The following APBA2 variants were observed in gnomAD, a reference collection of about 807,000 sequenced individuals.
APBA2 encodes the protein amyloid beta precursor protein binding family A member 2, also known as amyloid-beta A4 precursor protein-binding family A member 2.
A neutral mutation model predicts 75.0 loss-of-function variants in APBA2; 30 were observed. The observed-to-expected ratio is 0.40, with a 90% confidence interval of 0.30 to 0.54. The LOEUF (loss-of-function observed/expected upper bound fraction) is 0.54. APBA2 is among the 20% of genes least tolerant of loss of function. The pLI, the probability that APBA2 is intolerant of heterozygous loss-of-function variation, is 0.49. For synonymous variants in APBA2, 444 were observed against 409.6 expected, an observed-to-expected ratio of 1.08 and a Z score of -1.01; for missense variants, 801 against 1,016.1, an observed-to-expected ratio of 0.79 and a Z score of 2.88.
At chr15:28,899,266 G>A (rs551495842) in intron 1 of APBA2, among the ~76,000 whole-genome samples, 5 of 152,298 alleles carry the variant, frequency 3.3e-5, no homozygotes, top group East Asian at 1.9e-4. Context: ...CTTTGCCTAC[G>A]TCTCTCCCCA....
At chr15:29,096,004 A>G (rs941511408) in intron 8 of APBA2, among the ~76,000 whole-genome samples, 2 of 152,206 alleles carry the variant, frequency 1.3e-5, no homozygotes, top group East Asian at 3.9e-4. Context: ...TGCCGCCTTT[A>G]GAGGGGTTGG....
rs142112034 is a variant in APBA2 at position 28,996,037 on chromosome 15, C to T, written c.-41+231C>T. 6.6e-3 allele frequency among the ~76,000 whole-genome samples: 1,010 copies of T among 152,138 alleles called. 13 individuals carry two copies. Among genetic ancestry groups the T allele is most frequent in the African/African-American group, 0.023 (961 of 41,484 alleles). On this transcript the variant is annotated intron_variant, in intron 3 of 14. Coordinates refer to ENST00000683413, the MANE Select transcript of APBA2 (RefSeq NM_001353788.2). ...GGACGCTTCTGGCACTTACCTTGCC[C>T]GGAACCGACCTGCCCACCACCCAAT...
chr15:29,101,722 C>T lies in APBA2; in HGVS notation c.1462C>T (p.Pro488Ser), dbSNP rs1413505682. ...CTCTCAGGACTGCATCGAGACCACG[C>T]CCGGGGCCCAGGAAGGCAAGAAGCA... Reference protein sequence around the residue: ...SASQDCIETTPGAQEGKKQYK... With the variant: ...SASQDCIETTSGAQEGKKQYK... The change falls in exon 10 of 15, where the codon CCC becomes TCC. Residue 488 changes from proline to serine, a missense_variant. This residue lies in a region of APBA2 where 367 missense variants were observed against 544.5 expected (regional missense o/e 0.67). Coordinates refer to ENST00000683413, the MANE Select transcript of APBA2 (RefSeq NM_001353788.2). 1 of 1,613,706 alleles carries T rather than the reference C, an allele frequency of 6.2e-7. No individual in the cohort carries two copies. The highest frequency in any genetic ancestry group is 1.3e-5 in the African/African-American group (1 of 75,068).
rs2045332111 is a variant in APBA2 at position 29,118,184 on chromosome 15, A to ACTT, written c.*1052_*1054dup. On this transcript the variant is annotated 3_prime_UTR_variant, in exon 15 of 15. Coordinates refer to ENST00000683413, the MANE Select transcript of APBA2 (RefSeq NM_001353788.2). ...CCCAGGCCTTGAAGAATACACTGTG[A>ACTT]CTTAAGAAGCCTTACCACGCAGTAA... is the stretch of plus-strand genomic sequence containing the variant. 1 of 152,630 alleles carries ACTT rather than the reference A, an allele frequency of 6.6e-6. No individual in the cohort carries two copies. The highest frequency in any genetic ancestry group is 6.5e-5 in the Admixed American group (1 of 15,280). The allele number at this position is 152,630 out of a possible 1,614,324, so 9.5% of individuals were successfully genotyped here.
intron 8 of APBA2, among the ~76,000 whole-genome samples, chr15:29,097,443 G>A (rs2043904000): frequency 6.6e-6 from 1 of 152,234 alleles, no homozygotes. Flanking sequence ...GGCCGGTGGC[G>A]TGCAGGTAGA....
chr15:28,957,817 C>T (rs1372778578), intron 2 of APBA2, among the ~76,000 whole-genome samples: 5 of 152,280 alleles, frequency 3.3e-5, no homozygotes, highest in African/African-American at 1.2e-4. Flanking sequence ...AGGCCTCCCC[C>T]ATGCTACTTT....
intron 2 of APBA2, among the ~76,000 whole-genome samples, chr15:28,941,419 G>A (rs1212301184): frequency 6.7e-6 from 1 of 149,768 alleles, no homozygotes; most frequent in Non-Finnish European, 1.5e-5. Context: ...ATGTTTGGCT[G>A]TGCTTCAGGC....
chr15:29,065,681 A>G (rs1566965994), intron 4 of APBA2, among the ~76,000 whole-genome samples: 1 of 152,062 alleles, frequency 6.6e-6, no homozygotes, highest in Non-Finnish European at 1.5e-5. Context: ...CACAGAAGAG[A>G]AGTTGGTCTC....
At chr15:29,001,621 AT>A (rs1164082019) in intron 3 of APBA2, among the ~76,000 whole-genome samples, 1 of 152,198 alleles carries the variant, frequency 6.6e-6, no homozygotes, top group East Asian at 1.9e-4. Context: ...TGTGTAGCAC[AT>A]GTGAGTTTTC....
chr15:29,011,021 C>T (rs2039377925), intron 3 of APBA2, among the ~76,000 whole-genome samples: 1 of 152,156 alleles, frequency 6.6e-6, no homozygotes, highest in African/African-American at 2.4e-5. Context: ...ATTCTCCTTG[C>T]CCCAGCCTCT....
At chr15:28,937,497 C>T (rs887364151) in intron 2 of APBA2, among the ~76,000 whole-genome samples, 4 of 152,060 alleles carry the variant, frequency 2.6e-5, no homozygotes, top group African/African-American at 7.2e-5. Flanking sequence ...CAGGTTCCCT[C>T]GGTTCCTGAA....
At chr15:29,007,557 C>T (rs4780261) in intron 3 of APBA2, among the ~76,000 whole-genome samples, 35,767 of 152,150 alleles carry the variant, frequency 0.24, 8,254 homozygotes, top group African/African-American at 0.59. Flanking sequence ...GATTAACAAA[C>T]GAACAAAGGG....
chr15:29,084,606 T>A (rs2043209155), intron 6 of APBA2, among the ~76,000 whole-genome samples: 1 of 152,270 alleles, frequency 6.6e-6, no homozygotes, highest in Non-Finnish European at 1.5e-5. Flanking sequence ...TATTTGTTTA[T>A]GCCATTAAAT....
In APBA2 at chr15:29,108,340, A is replaced by G. The variant is rs761555744; in HGVS notation, c.1988A>G (p.Lys663Arg). Residue 663 changes from lysine (K) to arginine (R), a missense_variant, in exon 13 of 15, where the codon AAG (lysine) becomes AGG (arginine). By Grantham distance (26) the Lys-to-Arg change is conservative (BLOSUM62 2). Coordinates refer to ENST00000683413, the MANE Select transcript of APBA2 (RefSeq NM_001353788.2). ...SCPPVTTVLI[K>R]RPDLKYQLGF... is the part of the protein sequence containing the mutation. ...CCCCCGGTCACCACGGTCCTTATCA[A>G]GCGGCCAGACCTCAAGTACCAGCTG... The G allele has an allele frequency of 1.9e-6, 3 of 1,613,934 alleles. No individual in the cohort carries two copies. The highest frequency in any genetic ancestry group is 1.1e-5 in the South Asian group (1 of 91,082).
intron 2 of APBA2, among the ~76,000 whole-genome samples, chr15:28,979,840 TAA>T (rs1446835185): frequency 6.6e-6 from 1 of 152,184 alleles, no homozygotes; most frequent in Non-Finnish European, 1.5e-5. Flanking sequence ...ACAGTGGAGT[TAA>T]GAGATGATTT....
chr15:29,103,252 G>T (rs1245755283), intron 10 of APBA2, among the ~76,000 whole-genome samples: 1 of 152,214 alleles, frequency 6.6e-6, no homozygotes. Flanking sequence ...TTAAAGCCAG[G>T]GTATGCCGTA....
chr15:29,050,765 C>A (rs977466616), intron 3 of APBA2, among the ~76,000 whole-genome samples: 10 of 152,132 alleles, frequency 6.6e-5, no homozygotes, highest in African/African-American at 2.2e-4. Flanking sequence ...ATTTTATCCC[C>A]CCGAATGACA....
At chr15:28,983,888 G>A (rs979489807) in intron 2 of APBA2, among the ~76,000 whole-genome samples, 23 of 152,232 alleles carry the variant, frequency 1.5e-4, no homozygotes, top group African/African-American at 5.3e-4. Context: ...AGGCCACTCT[G>A]TGGTCCCCAC....
At chr15:28,979,502 C>T (rs2037511803) in intron 2 of APBA2, among the ~76,000 whole-genome samples, 1 of 152,210 alleles carries the variant, frequency 6.6e-6, no homozygotes, top group African/African-American at 2.4e-5. Flanking sequence ...TGAGGCTTCC[C>T]TGGGGGTGCA....
Sources: gnomAD v4.1 joint callset for allele counts (sites outside exome capture counted in the v4.1 genomes callset) on GRCh38, gnomAD v4.1.1 for gene constraint, gnomAD v4.1.1 regional missense constraint, MANE v1.5 for transcripts, NCBI Gene and HGNC (gene_info 2026-07-23, HGNC 2026-07-21) for gene names.